The following ANK3 variants were observed in gnomAD, a reference collection of about 807,000 sequenced individuals.
ANK3 encodes ankyrin 3.
A neutral mutation model predicts 370.9 loss-of-function variants in ANK3; 57 were observed. The ratio of observed to expected loss-of-function variants is 0.15; its 90% CI spans 0.12 to 0.19. The LOEUF is 0.19. Ranked by LOEUF, ANK3 falls within the 10% of genes least tolerant of loss-of-function variation. The pLI, the probability that ANK3 is intolerant of heterozygous loss-of-function variation, is 1.00. For synonymous variants in ANK3, 1,929 were observed against 1,946.3 expected (o/e 0.99, Z 0.23); for missense variants, 4,439 against 5,302.1 (o/e 0.84, Z 5.06).
At chr10:60,539,939 T>C (rs1416511436) in intron 2 of ANK3, among the ~76,000 whole-genome samples, 1 of 151,890 alleles carries the variant, frequency 6.6e-6, no homozygotes, top group Non-Finnish European at 1.5e-5. Flanking sequence ...TAGCTCAAAA[T>C]TAAGTGCCTC....
Position 60,056,019 on chromosome 10 carries a change from TCTCTAC to T in ANK3, c.12698_12703del (p.Cys4233_Asp4235delinsTyr). On this transcript the variant is annotated inframe_deletion, in exon 42 of 44. Transcript: ENST00000280772. ...TCCTTTGAGATATGAGGTAATGGAA[TCTCTAC>T]ACTGGTCAGGGCTGCAACAGAAAAT... The T allele has an allele frequency of 3.1e-6, 5 of 1,612,684 alleles. No homozygotes were observed. The highest frequency in any genetic ancestry group is 4.2e-6 in the Non-Finnish European group (5 of 1,179,688).
intron 1 of ANK3, among the ~76,000 whole-genome samples, chr10:60,634,743 C>G (rs113558375): frequency 2.0e-5 from 3 of 152,038 alleles, no homozygotes; most frequent in Non-Finnish European, 2.9e-5. Context: ...TAACACTCAC[C>G]GAGAAGGTCC....
In ANK3 at chr10:60,119,663, T is replaced by A. The variant is rs369572079; in HGVS notation, c.2842-5332A>T. 3.3e-5 allele frequency among the ~76,000 whole-genome samples: 5 copies of A among 152,198 alleles called. No individual in the cohort carries two copies. In the South Asian group the frequency reaches 1.0e-3, roughly 32 times the overall value. On this transcript the variant is annotated intron_variant, in intron 25 of 43. Coordinates refer to ENST00000280772, the MANE Select transcript of ANK3 (RefSeq NM_020987.5). ...GGCATGCACCTGTAATCCCATCTAA[T>A]CGGGAGGCTGAGACAGGAGAATCGC...
At chr10:60,262,396 A>T (rs2097820887) in intron 6 of ANK3, among the ~76,000 whole-genome samples, 1 of 152,224 alleles carries the variant, frequency 6.6e-6, no homozygotes, top group African/African-American at 2.4e-5. Flanking sequence ...TTTTCATGAC[A>T]AAAGCAGTTT....
intron 1 of ANK3, among the ~76,000 whole-genome samples, chr10:60,649,734 G>A (rs1333395983): frequency 1.3e-5 from 2 of 152,154 alleles, no homozygotes; most frequent in Non-Finnish European, 2.9e-5. Context: ...GCAGCTCTGC[G>A]TTTATATGTT....
chr10:60,094,181 A>ATTTTTTT (rs1169437967), intron 28 of ANK3, among the ~76,000 whole-genome samples: 1 of 116,388 alleles, frequency 8.6e-6, no homozygotes, highest in African/African-American at 3.2e-5. Context: ...ACAGTATTCT[A>ATTTTTTT]TTTTTTTTTT....
intron 2 of ANK3, among the ~76,000 whole-genome samples, chr10:60,442,990 G>T (rs1174206210): frequency 6.6e-6 from 1 of 152,182 alleles, no homozygotes; most frequent in Admixed American, 6.5e-5. Context: ...AACATTATCT[G>T]TCTTCAACTT....
chr10:60,226,714 T>TA (rs2097170130), intron 8 of ANK3, among the ~76,000 whole-genome samples: 1 of 142,288 alleles, frequency 7.0e-6, no homozygotes. Context: ...GTATATATAA[T>TA]ACATAGTATT....
At chr10:60,068,077 G>T in intron 37 of ANK3, 68 bp from the exon 38 acceptor site, 1 of 1,427,204 alleles carries the variant, frequency 7.0e-7, no homozygotes, top group Non-Finnish European at 9.8e-7. Context: ...ATTGCTTTTA[G>T]CAGTACGCAG....
intron 2 of ANK3, among the ~76,000 whole-genome samples, chr10:60,612,562 G>A (rs2078214991): frequency 6.6e-6 from 1 of 152,108 alleles, no homozygotes; most frequent in Non-Finnish European, 1.5e-5. Context: ...CGCGATCTCG[G>A]CTCACTGCAA....
chr10:60,250,427 C>G (rs1454452334), intron 7 of ANK3, among the ~76,000 whole-genome samples: 2 of 152,160 alleles, frequency 1.3e-5, no homozygotes, highest in Non-Finnish European at 2.9e-5. Context: ...TGCAGTGGCA[C>G]AATCTCGGCT....
At chr10:60,596,033 T>C (rs893049503) in intron 2 of ANK3, among the ~76,000 whole-genome samples, 3 of 152,162 alleles carry the variant, frequency 2.0e-5, no homozygotes, top group East Asian at 1.9e-4. Context: ...ACCTTTTTAA[T>C]ATTCCTAACA....
intron 9 of ANK3, among the ~76,000 whole-genome samples, chr10:60,209,519 G>A (rs1374643593): frequency 6.6e-6 from 1 of 152,122 alleles, no homozygotes; most frequent in African/African-American, 2.4e-5. Context: ...TTGCCCAGAA[G>A]AGAGCTTTGC....
chr10:60,320,101 C>A (rs184590682), intron 1 of ANK3, among the ~76,000 whole-genome samples: 2 of 152,310 alleles, frequency 1.3e-5, no homozygotes, highest in Non-Finnish European at 2.9e-5. Context: ...TTAGAAGGAG[C>A]TGGGCCTGTG....
chr10:60,063,918 G>A (rs768533223), intron 39 of ANK3, among the ~76,000 whole-genome samples: 18 of 152,210 alleles, frequency 1.2e-4, no homozygotes, highest in African/African-American at 3.6e-4. Flanking sequence ...GGCCAGATGC[G>A]AAAAATTCCC....
chr10:60,428,755 T>C (rs2063947742), intron 2 of ANK3, among the ~76,000 whole-genome samples: 1 of 152,184 alleles, frequency 6.6e-6, no homozygotes, highest in Non-Finnish European at 1.5e-5. Flanking sequence ...AAGGTTTCCA[T>C]GGACATAGAA....
intron 2 of ANK3, among the ~76,000 whole-genome samples, chr10:60,403,794 G>A (rs749224646): frequency 3.3e-5 from 5 of 152,140 alleles, no homozygotes; most frequent in Non-Finnish European, 5.9e-5. Flanking sequence ...AGATTGGAGA[G>A]GAAGAGTAAA....
chr10:60,286,362 CTTTTT>C (rs938560504), intron 1 of ANK3, among the ~76,000 whole-genome samples: 4 of 152,020 alleles, frequency 2.6e-5, no homozygotes, highest in Non-Finnish European at 5.9e-5. Context: ...ATCATTCTGT[CTTTTT>C]TTGTCTAATG....
intron 2 of ANK3, among the ~76,000 whole-genome samples, chr10:60,523,690 T>C (rs953297128): frequency 2.0e-5 from 3 of 151,234 alleles, no homozygotes; most frequent in Admixed American, 6.6e-5. Context: ...TGAATAGTGC[T>C]GCAATAAACA....
Sources: gnomAD v4.1 joint callset for allele counts (sites outside exome capture counted in the v4.1 genomes callset) on GRCh38, gnomAD v4.1.1 for gene constraint, MANE v1.5 for transcripts, NCBI Gene and HGNC (gene_info 2026-07-23, HGNC 2026-07-21) for gene names.